Variants in SHISA5 observed in about 807,000 individuals in gnomAD.
The protein encoded by SHISA5 is shisa family member 5, also known as protein shisa-5.
In SHISA5, 21 loss-of-function variants were observed where a neutral mutation model predicts 27.5. That is an observed-to-expected ratio of 0.76 (90% confidence interval 0.54 to 1.10). The LOEUF (loss-of-function observed/expected upper bound fraction) is 1.10. SHISA5 is among the 50% of genes least tolerant of loss of function. The probability of loss-of-function intolerance (pLI) is 0.00; values close to 1 mark genes in which losing one functional copy is unlikely to be tolerated. For synonymous variants in SHISA5, 137 were observed against 142.2 expected (o/e 0.96, Z 0.26); for missense variants, 314 against 336.3 (o/e 0.93, Z 0.52).
intron 1 of SHISA5, among the ~76,000 whole-genome samples, chr3:48,502,913 G>A (rs1190333623): frequency 1.3e-5 from 2 of 152,222 alleles, no homozygotes; most frequent in South Asian, 2.1e-4. Context: ...ACACCCCGAG[G>A]CTGTCAGTAG....
intron 1 of SHISA5, chr3:48,503,744 C>T (rs2041821048): frequency 1.6e-6 from 2 of 1,221,934 alleles, no homozygotes; most frequent in Non-Finnish European, 2.0e-6. Flanking sequence ...GACTCCATCC[C>T]CTGGAACATG....
intron 2 of SHISA5, among the ~76,000 whole-genome samples, chr3:48,494,515 G>C: frequency 6.8e-6 from 1 of 147,026 alleles, no homozygotes. Context: ...GGATGGTCTC[G>C]ATCTCCTGAC....
chr3:48,492,150 CAAAAAAAAAAAAAAAAAAAAA>C lies in SHISA5; in HGVS notation c.233+8966_233+8986del, dbSNP rs1169630533. 7.1e-3 allele frequency among the ~76,000 whole-genome samples: 135 copies of C among 18,914 alleles called. 1 individual carries two copies. Among genetic ancestry groups the C allele is most frequent in the African/African-American group, 0.013 (81 of 6,106 alleles). 12.4% of individuals were successfully genotyped at this position (18,914 alleles called of 152,430 possible). ...CCGGGAACAGAGCAAGACTCCATCT[CAAAAAAAAAAAAAAAAAAAAA>C]AAAAAAAAAAAAAAAAAGGCCAGGC... On this transcript the variant is annotated intron_variant, in intron 2 of 5. Coordinates refer to ENST00000296444, the MANE Select transcript of SHISA5 (RefSeq NM_016479.6).
intron 2 of SHISA5, among the ~76,000 whole-genome samples, chr3:48,486,004 G>A (rs1338258660): frequency 6.6e-6 from 1 of 150,874 alleles, no homozygotes. Flanking sequence ...AGACGGCTCA[G>A]CCTCTAATAA....
intron 2 of SHISA5, among the ~76,000 whole-genome samples, chr3:48,497,273 T>C (rs1173979671): frequency 6.7e-6 from 1 of 148,184 alleles, no homozygotes; most frequent in South Asian, 2.2e-4. Flanking sequence ...TTTTTTTTTT[T>C]TTTTTTTTTT....
intron 2 of SHISA5, among the ~76,000 whole-genome samples, chr3:48,481,584 T>G (rs548193097): frequency 1.5e-5 from 2 of 134,096 alleles, no homozygotes; most frequent in East Asian, 2.2e-4. Flanking sequence ...AGATCAGGAG[T>G]TCGAGACCAG....
chr3:48,501,291 G>A lies in SHISA5; in HGVS notation c.79C>T (p.Arg27Cys), dbSNP rs773928193. ...CGGGAAGCCATACACACCTCACCAC[G>A]TGCTGGAGAGGAGAAACACATCTGT... Reference protein sequence around the residue: ...LLLLTPPPGARGEVCMASRGL... With the variant: ...LLLLTPPPGACGEVCMASRGL... Residue 27 changes from arginine (R) to cysteine (C), a missense_variant and splice_region_variant, in exon 2 of 6, where the codon CGT becomes TGT. Physicochemically the swap from Arg to Cys is radical, Grantham distance 180. Coordinates refer to ENST00000296444, the MANE Select transcript of SHISA5 (RefSeq NM_016479.6). 26 of 1,613,416 alleles carry A rather than the reference G, an allele frequency of 1.6e-5. No individual in the cohort carries two copies. The East Asian group carries it at 2.0e-4, about 12-fold the overall frequency.
At chr3:48,498,689 GA>G (rs11294310) in intron 2 of SHISA5, among the ~76,000 whole-genome samples, 10,465 of 81,160 alleles carry the variant, frequency 0.13, 894 homozygotes, top group African/African-American at 0.3. Context: ...TCTCCAGAAA[GA>G]AAAAAAAAAA....
At chr3:48,471,628 A>T (rs2040626051) in intron 3 of SHISA5, among the ~76,000 whole-genome samples, 2 of 150,028 alleles carry the variant, frequency 1.3e-5, no homozygotes, top group Non-Finnish European at 3.0e-5. Flanking sequence ...AAAAATAAAA[A>T]ACGGTTGGGT....
chr3:48,500,402 G>A (rs1004163117), intron 2 of SHISA5, among the ~76,000 whole-genome samples: 5 of 152,086 alleles, frequency 3.3e-5, no homozygotes, highest in Non-Finnish European at 4.4e-5. Flanking sequence ...GAGGAGGATG[G>A]CTTGAGCCCA....
Position 48,469,203 on chromosome 3 carries a change from C to A in SHISA5, c.644-17G>T, listed in dbSNP as rs1376645041. The A allele has an allele frequency of 6.2e-7, 1 of 1,609,794 alleles. No individual in the cohort carries two copies. Among genetic ancestry groups the A allele is most frequent in the East Asian group, 2.2e-5 (1 of 44,854 alleles). ...CTGCTCCTCCTGAAAGCAGAGAGGACCCTGGTTGGCTGTGAGCATGGTGGG... is the reference window on the plus strand; with the variant it reads ...CTGCTCCTCCTGAAAGCAGAGAGGAACCTGGTTGGCTGTGAGCATGGTGGG... On this transcript the variant is annotated splice_polypyrimidine_tract_variant and intron_variant, in intron 5 of 5. Transcript: ENST00000296444. This position sits in a 1 kb window ranked among gnomAD's most constrained non-coding sequence, Gnocchi z 4.6.
rs1421798051 is a variant in SHISA5 at position 48,492,775 on chromosome 3, A to AT, written c.233+8361dup. Reference sequence around the variant, plus strand: ...GATTTATGGTAAGTATGTGAAAGGCATTAGAGGCATTCCCAGAACTGGGGT... The same window carrying AT: ...GATTTATGGTAAGTATGTGAAAGGCATTTAGAGGCATTCCCAGAACTGGGGT... On this transcript the variant is annotated intron_variant, in intron 2 of 5. Coordinates refer to ENST00000296444, the MANE Select transcript of SHISA5 (RefSeq NM_016479.6). Among the ~76,000 whole-genome samples the AT allele has an allele frequency of 1.0e-3, 155 of 147,692 alleles. 8 individuals are homozygous for AT. The highest frequency in any genetic ancestry group is 1.9e-3 in the Non-Finnish European group (132 of 67,884).
chr3:48,485,756 G>A (rs1022961957), intron 2 of SHISA5, among the ~76,000 whole-genome samples: 5 of 151,176 alleles, frequency 3.3e-5, no homozygotes, highest in African/African-American at 1.2e-4. Flanking sequence ...GAGTGGTGGT[G>A]AGGCTGGGGA....
intron 2 of SHISA5, among the ~76,000 whole-genome samples, chr3:48,496,389 C>G (rs1343969909): frequency 6.6e-6 from 1 of 151,876 alleles, no homozygotes; most frequent in Non-Finnish European, 1.5e-5. Flanking sequence ...GTCAGGAGAT[C>G]GAGACCATCC....
intron 2 of SHISA5, among the ~76,000 whole-genome samples, chr3:48,488,062 C>T (rs904984497): frequency 6.6e-6 from 1 of 152,020 alleles, no homozygotes; most frequent in African/African-American, 2.4e-5. Flanking sequence ...CCTTAAAATA[C>T]TGAAATTATC....
rs1356652635 is a variant in SHISA5 at position 48,469,071 on chromosome 3, C to A, written c.*36G>T. On this transcript the variant is annotated 3_prime_UTR_variant, in exon 6 of 6. Coordinates refer to ENST00000296444, the MANE Select transcript of SHISA5 (RefSeq NM_016479.6). The surrounding 1 kb of genome is among the most constrained non-coding windows in gnomAD (Gnocchi z 4.6). ...GCACACCACTCACGCACACACACAACATAACCAAGTGGCAGCCAGAGAGGC... is the reference window on the plus strand; with the variant it reads ...GCACACCACTCACGCACACACACAAAATAACCAAGTGGCAGCCAGAGAGGC... 6.2e-7 allele frequency: 1 copy of A among 1,611,766 alleles called. No individual in the cohort carries two copies. Among genetic ancestry groups the A allele is most frequent in the Non-Finnish European group, 8.5e-7 (1 of 1,179,972 alleles).
At chr3:48,502,505 A>ACAAGTCT (rs2041787326) in intron 1 of SHISA5, 1 of 409,294 alleles carries the variant, frequency 2.4e-6, no homozygotes, top group African/African-American at 2.1e-5. Context: ...TGACATCCTT[A>ACAAGTCT]CAAGTCTCAA....
intron 2 of SHISA5, among the ~76,000 whole-genome samples, chr3:48,483,577 T>A (rs898590113): frequency 1.3e-5 from 2 of 152,172 alleles, no homozygotes; most frequent in East Asian, 1.9e-4. Flanking sequence ...CATTGTCACC[T>A]TGGCCCGTTC....
intron 2 of SHISA5, among the ~76,000 whole-genome samples, chr3:48,494,668 A>G (rs1250977378): frequency 6.8e-6 from 1 of 147,466 alleles, no homozygotes; most frequent in Admixed American, 6.6e-5. Flanking sequence ...ATTTATCCTG[A>G]TGGACAGGTA....
Sources: gnomAD v4.1 joint callset for allele counts (sites outside exome capture counted in the v4.1 genomes callset) on GRCh38, gnomAD v4.1.1 for gene constraint, Gnocchi (gnomAD v3.1) non-coding constraint, MANE v1.5 for transcripts, NCBI Gene and HGNC (gene_info 2026-07-23, HGNC 2026-07-21) for gene names.